Variants in NXF1 observed in about 807,000 individuals in gnomAD.
NXF1 encodes the protein mRNA export factor TAP.
Under a neutral mutation model 92.4 loss-of-function variants are expected in NXF1, and 43 were observed. The observed-to-expected ratio is 0.47, with a 90% CI of 0.36 to 0.60. The LOEUF (loss-of-function observed/expected upper bound fraction) is 0.60. NXF1 is among the 20% of genes least tolerant of loss of function. NXF1 has a pLI of 0.00. For missense variants in NXF1, 576 were observed against 793.0 expected (o/e 0.73, Z 3.29); for synonymous variants, 288 against 292.2 (o/e 0.99, Z 0.15).
At chr11:62,800,170 G>T (rs1369571618) in intron 10 of NXF1, 1 of 1,404,588 alleles carries the variant, frequency 7.1e-7, no homozygotes, top group Non-Finnish European at 9.3e-7. Flanking sequence ...CAAACAGATA[G>T]TCAAGTCAGA....
At chr11:62,802,156 G>T (rs778088036) in intron 4 of NXF1, 21 bp downstream of exon 4, 36 of 1,612,680 alleles carry the variant, frequency 2.2e-5, no homozygotes, top group Middle Eastern at 3.3e-4. Context: ...TGGCCAGCCA[G>T]CCACTCAGGC....
intron 10 of NXF1, chr11:62,799,317 G>C (rs542437358): frequency 1.0e-6 from 1 of 985,676 alleles, no homozygotes; most frequent in East Asian, 1.1e-4. Context: ...AATCCTTGCT[G>C]TGGTGAGTGG....
At chr11:62,794,234 A>C (rs2084398220) in intron 19 of NXF1, 24 bp downstream of exon 19, 2 of 1,601,746 alleles carry the variant, frequency 1.2e-6, no homozygotes, top group Non-Finnish European at 1.7e-6. Context: ...GTGCATCCCC[A>C]TCCTACACAT....
At chr11:62,794,694 G>A (rs2084402934) in intron 18 of NXF1, 3 of 587,292 alleles carry the variant, frequency 5.1e-6, no homozygotes, top group Non-Finnish European at 9.0e-6. Flanking sequence ...AATGAATATT[G>A]TTATATGAAT....
chr11:62,800,573 C>T, intron 9 of NXF1, 87 bp from the exon 10 acceptor site: 2 of 750,512 alleles, frequency 2.7e-6, no homozygotes, highest in South Asian at 1.9e-5. Flanking sequence ...ACGCTTAGCT[C>T]TGAGATCTTT....
At position 62,798,526 on chromosome 11, in the gene NXF1, A is replaced by T. The variant is rs752231209; in HGVS notation, c.1053+13T>A. On this transcript the variant is annotated intron_variant, in intron 11 of 20. Coordinates refer to ENST00000294172, the MANE Select transcript of NXF1 (RefSeq NM_006362.5). ...ATGCTGTGCTTGTTAGAATGAAAAA[A>T]TTATGGACTTACCAGGCGTAGTAAC... The T allele has an allele frequency of 6.2e-6, 10 of 1,613,954 alleles. No individual in the cohort carries two copies. The African/African-American group carries it at 1.3e-4, about 22-fold the overall frequency.
At chr11:62,794,709 A>C (rs1243974003) in intron 18 of NXF1, 1 of 588,218 alleles carries the variant, frequency 1.7e-6, no homozygotes, top group African/African-American at 1.9e-5. Flanking sequence ...ATGAATTTTC[A>C]GATGAGGCAG....
chr11:62,801,281 C>T (rs748767157), intron 8 of NXF1, 48 bp downstream of exon 8: 1 of 1,608,930 alleles, frequency 6.2e-7, no homozygotes, highest in Non-Finnish European at 8.5e-7. Flanking sequence ...CACTTCCTAT[C>T]TAACACACCC....
chr11:62,801,679 G>A, intron 6 of NXF1, 48 bp from the exon 7 acceptor site: 1 of 1,604,066 alleles, frequency 6.2e-7, no homozygotes, highest in Non-Finnish European at 8.5e-7. Context: ...GTGTGTGGGG[G>A]GTGGGGGTGT....
chr11:62,793,846 C>G (rs200567319), intron 19 of NXF1, among the ~76,000 whole-genome samples: 1 of 103,054 alleles, frequency 9.7e-6, no homozygotes, highest in Non-Finnish European at 2.0e-5. Context: ...AAAAAAAATA[C>G]AAAAATTAGC....
chr11:62,792,567 C>T (rs1371658765), intron 20 of NXF1, 53 bp from the exon 21 acceptor site: 7 of 1,610,450 alleles, frequency 4.3e-6, no homozygotes, highest in Non-Finnish European at 5.9e-6. Flanking sequence ...CACTCAGCAA[C>T]CCCACTCAGC....
chr11:62,792,713 G>A lies in NXF1; in HGVS notation c.1761-12C>T. 1.2e-6 allele frequency: 2 copies of A among 1,614,032 alleles called. No individual in the cohort carries two copies. The highest frequency in any genetic ancestry group is 1.7e-6 in the Non-Finnish European group (2 of 1,179,900). On this transcript the variant is annotated splice_polypyrimidine_tract_variant and intron_variant, in intron 19 of 20. Transcript: ENST00000294172. ...TGTCCTGAAGGCACCTGGAGTGGAA[G>A]AACAGGCAGCTCTGTAAGAACTCTG...
intron 9 of NXF1, 99 bp downstream of exon 9, chr11:62,800,995 T>A (rs1385222495): frequency 3.9e-5 from 34 of 871,444 alleles, no homozygotes; most frequent in Non-Finnish European, 6.0e-5. Context: ...CCAGCACATC[T>A]GGCCTGAGTT....
At chr11:62,794,465 A>C in intron 18 of NXF1, 25 bp from the exon 19 acceptor site, 1 of 1,590,484 alleles carries the variant, frequency 6.3e-7, no homozygotes, top group Non-Finnish European at 8.6e-7. Flanking sequence ...GCACTTAAAA[A>C]GCTAGACAGA....
At chr11:62,795,853 G>A (rs1013467526) in intron 17 of NXF1, 48 bp downstream of exon 17, 1 of 1,564,156 alleles carries the variant, frequency 6.4e-7, no homozygotes. Flanking sequence ...GAAAATTCCA[G>A]CTGGGGGTGG....
intron 19 of NXF1, among the ~76,000 whole-genome samples, chr11:62,793,298 T>C (rs370095023): frequency 9.7e-4 from 147 of 152,244 alleles, no homozygotes; most frequent in African/African-American, 2.8e-3. Flanking sequence ...AGGATGGTCT[T>C]GATCTCTTGA....
chr11:62,798,459 AAAAG>A, intron 11 of NXF1, 76 bp downstream of exon 11: 8 of 1,557,806 alleles, frequency 5.1e-6, no homozygotes, highest in Non-Finnish European at 6.9e-6. Context: ...AAGAAAAAGA[AAAAG>A]AAAAAGAAAC....
chr11:62,801,583 T>C lies in NXF1; in HGVS notation c.688A>G (p.Lys230Glu). ...YDGSQQALDL[K>E]GLRSDPDLVA... ...ATACCTGGGTCTGAACGGAGGCCTT[T>C]GAGGTCAAGGGCTTGTTGGGAGCCA... The change falls in exon 7 of 21, where the codon AAA (lysine) becomes GAA (glutamate). Residue 230 changes from lysine (K) to glutamate (E), a missense_variant. Physicochemically the swap from Lys to Glu is moderately conservative, Grantham distance 56. This residue lies in a region of NXF1 where 425 missense variants were observed against 635.2 expected (regional missense o/e 0.67). Transcript: ENST00000294172. The C allele has an allele frequency of 6.2e-7, 1 of 1,613,988 alleles. No homozygotes were observed. The highest frequency in any genetic ancestry group is 8.5e-7 in the Non-Finnish European group (1 of 1,179,862).
chr11:62,804,477 T>C (rs2084512988), intron 1 of NXF1, among the ~76,000 whole-genome samples: 1 of 152,190 alleles, frequency 6.6e-6, no homozygotes, highest in Non-Finnish European at 1.5e-5. Flanking sequence ...ACTCAGGCTC[T>C]AGTGGCAGTG....
Sources: allele counts gnomAD v4.1 joint callset (sites outside exome capture counted in the v4.1 genomes callset), GRCh38; gene constraint gnomAD v4.1.1; regional missense constraint gnomAD v4.1.1; transcripts MANE v1.5; gene names NCBI Gene and HGNC (gene_info 2026-07-23, HGNC 2026-07-21).